PTPRN2: variants seen among roughly 807,000 people sequenced by gnomAD.
The protein encoded by PTPRN2 is protein tyrosine phosphatase receptor type N2.
PTPRN2 carries 74 observed loss-of-function variants against 118.8 expected under a neutral mutation model. That is an observed-to-expected ratio of 0.62 (90% CI 0.52 to 0.76). The LOEUF is 0.76. PTPRN2 is among the 30% of genes least tolerant of loss of function. The probability of loss-of-function intolerance (pLI) is 0.00; values close to 1 mark genes in which losing one functional copy is unlikely to be tolerated. For synonymous variants in PTPRN2, 641 were observed against 608.0 expected, an observed-to-expected ratio of 1.05 and a Z score of -0.80; for missense variants, 1,481 against 1,394.4, an observed-to-expected ratio of 1.06 and a Z score of -0.99.
Position 158,003,506 on chromosome 7 carries a change from A to T in PTPRN2, c.1723+77792T>A, listed in dbSNP as rs1805428220. ...GAAGAGGAAGAGACACACAGCCTGC[A>T]TCTACACAGAAGGACAGCCCCTGAG... is the stretch of plus-strand genomic sequence containing the variant. On this transcript the variant is annotated intron_variant, in intron 11 of 22. Coordinates refer to ENST00000389418, the MANE Select transcript of PTPRN2 (RefSeq NM_002847.5). This position sits in a 1 kb window ranked among gnomAD's most constrained non-coding sequence, Gnocchi z 5.0. Among the ~76,000 whole-genome samples, 1 of 151,886 alleles carries T rather than the reference A, an allele frequency of 6.6e-6. No homozygotes were observed. Among genetic ancestry groups the T allele is most frequent in the African/African-American group, 2.4e-5 (1 of 41,354 alleles).
At chr7:157,879,272 CTG>C (rs1320677647) in intron 12 of PTPRN2, among the ~76,000 whole-genome samples, 1 of 152,242 alleles carries the variant, frequency 6.6e-6, no homozygotes, top group Non-Finnish European at 1.5e-5. Flanking sequence ...CTCTTGGATT[CTG>C]TGTTTTCAAG....
chr7:157,751,402 T>G (rs942553767), intron 12 of PTPRN2, among the ~76,000 whole-genome samples: 48 of 152,292 alleles, frequency 3.2e-4, no homozygotes, highest in African/African-American at 1.1e-3. Context: ...CACCATGCAT[T>G]TAAATTAAAT....
intron 12 of PTPRN2, among the ~76,000 whole-genome samples, chr7:157,850,609 T>C (rs1442298872): frequency 6.6e-6 from 1 of 152,212 alleles, no homozygotes; most frequent in Admixed American, 6.5e-5. Flanking sequence ...GACTAACTTA[T>C]TCAGCTCCCC....
intron 11 of PTPRN2, among the ~76,000 whole-genome samples, chr7:158,033,282 G>C (rs1483132955): frequency 6.6e-6 from 1 of 152,194 alleles, no homozygotes; most frequent in Non-Finnish European, 1.5e-5. Flanking sequence ...AGTGGAGGAG[G>C]ATGTGGGACG....
At chr7:158,140,088 CT>C (rs1429069825) in intron 6 of PTPRN2, among the ~76,000 whole-genome samples, 1 of 152,188 alleles carries the variant, frequency 6.6e-6, no homozygotes, top group Non-Finnish European at 1.5e-5. Context: ...AGACCGTCTT[CT>C]TTTCTCCTCT....
intron 10 of PTPRN2, among the ~76,000 whole-genome samples, chr7:158,085,368 G>A (rs111162924): frequency 3.8e-3 from 87 of 22,838 alleles, no homozygotes; most frequent in South Asian, 0.014. Context: ...CACCCACGAC[G>A]CCCATCCACA....
chr7:158,136,601 AG>A, intron 8 of PTPRN2, 53 bp downstream of exon 8: 1 of 1,568,898 alleles, frequency 6.4e-7, no homozygotes, highest in Non-Finnish European at 8.8e-7. Context: ...ATGAACAAAA[AG>A]ATCACCAACT....
At chr7:158,042,223 C>T (rs758981971) in intron 11 of PTPRN2, among the ~76,000 whole-genome samples, 15 of 152,260 alleles carry the variant, frequency 9.9e-5, no homozygotes, top group South Asian at 2.1e-4. Context: ...GATTTCCAAA[C>T]GTCCAGAAAA....
At position 158,509,183 on chromosome 7, in the gene PTPRN2, C is replaced by G. The variant is rs796607244; in HGVS notation, c.113-19398G>C. ...CACACAGCCTCCACGCAGCCTCCAC[C>G]CAGCAGGCGGGACCAGTGGACAGGC... On this transcript the variant is annotated intron_variant, in intron 1 of 22. Transcript: ENST00000389418. This position sits in a 1 kb window ranked among gnomAD's most constrained non-coding sequence, Gnocchi z 4.4. Among the ~76,000 whole-genome samples the G allele has an allele frequency of 4.1e-4, 63 of 152,208 alleles. No homozygotes were observed. The highest frequency in any genetic ancestry group is 1.4e-3 in the African/African-American group (60 of 41,510).
intron 22 of PTPRN2, among the ~76,000 whole-genome samples, chr7:157,548,550 C>T (rs1273304363): frequency 6.6e-6 from 1 of 152,224 alleles, no homozygotes; most frequent in Non-Finnish European, 1.5e-5. Context: ...GCCCTGGGGG[C>T]CTCCACAAAG....
intron 3 of PTPRN2, among the ~76,000 whole-genome samples, chr7:158,305,259 A>C (rs1281112038): frequency 6.6e-6 from 1 of 152,230 alleles, no homozygotes; most frequent in African/African-American, 2.4e-5. Context: ...TATACTCTAA[A>C]GCCAAGAGTG....
intron 14 of PTPRN2, among the ~76,000 whole-genome samples, chr7:157,635,442 C>T (rs1174767104): frequency 2.6e-5 from 4 of 152,274 alleles, no homozygotes; most frequent in Non-Finnish European, 5.9e-5. Context: ...CACGGCAGTG[C>T]TGCCATGAAG....
chr7:158,021,578 C>A (rs1042826948), intron 11 of PTPRN2, among the ~76,000 whole-genome samples: 3 of 152,062 alleles, frequency 2.0e-5, no homozygotes, highest in African/African-American at 7.2e-5. Context: ...AGAAGGACAG[C>A]ACTGTGAGGA....
intron 2 of PTPRN2, among the ~76,000 whole-genome samples, chr7:158,378,178 C>A (rs1343845427): frequency 6.6e-6 from 1 of 152,212 alleles, no homozygotes; most frequent in Non-Finnish European, 1.5e-5. Flanking sequence ...AAACCTGACA[C>A]AAAAGCAAAT....
At chr7:158,543,461 CA>C (rs1444407332) in intron 1 of PTPRN2, among the ~76,000 whole-genome samples, 19 of 152,240 alleles carry the variant, frequency 1.2e-4, no homozygotes, top group Admixed American at 1.2e-3. Context: ...TTCAGTTTTG[CA>C]CTTTGTTTTC....
intron 14 of PTPRN2, among the ~76,000 whole-genome samples, chr7:157,642,835 A>AAAAAAAAAAAAAAAAC (rs1804773771): frequency 6.9e-6 from 1 of 145,886 alleles, no homozygotes; most frequent in African/African-American, 2.6e-5. Flanking sequence ...AAAAAAAAAA[A>AAAAAAAAAAAAAAAAC]AAAAAAAAAG....
rs182426724 is a variant in PTPRN2, at chr7:157,944,159, C to T, written c.1724-45422G>A. ...AGATGCCCGGCCTTCATGCAGCAAA[C>T]ACCTTCACAGGGAAGGAAGGCGGAA... is the stretch of plus-strand genomic sequence containing the variant. On this transcript the variant is annotated intron_variant, in intron 11 of 22. Coordinates refer to ENST00000389418, the MANE Select transcript of PTPRN2 (RefSeq NM_002847.5). This position sits in a 1 kb window ranked among gnomAD's most constrained non-coding sequence, Gnocchi z 4.3. Among the ~76,000 whole-genome samples, 183 of 152,328 alleles carry T rather than the reference C, an allele frequency of 1.2e-3. 1 individual carries two copies. The highest frequency in any genetic ancestry group is 3.9e-3 in the African/African-American group (163 of 41,572).
intron 4 of PTPRN2, among the ~76,000 whole-genome samples, chr7:158,203,622 C>A (rs1455541371): frequency 6.6e-6 from 1 of 151,984 alleles, no homozygotes; most frequent in Non-Finnish European, 1.5e-5. Flanking sequence ...GAGGAGCCAT[C>A]CCTTGCTTGG....
intron 1 of PTPRN2, among the ~76,000 whole-genome samples, chr7:158,532,074 A>T (rs1825284591): frequency 6.6e-6 from 1 of 152,240 alleles, no homozygotes; most frequent in Non-Finnish European, 1.5e-5. Context: ...AAAACTGAAT[A>T]AACAACAAAG....
Sources: allele counts gnomAD v4.1 joint callset (sites outside exome capture counted in the v4.1 genomes callset), GRCh38; gene constraint gnomAD v4.1.1; non-coding constraint Gnocchi (gnomAD v3.1); transcripts MANE v1.5; gene names NCBI Gene and HGNC (gene_info 2026-07-23, HGNC 2026-07-21).